PCDHA4: variants seen among roughly 807,000 people sequenced by gnomAD.
PCDHA4 encodes the protein protocadherin alpha 4.
A neutral mutation model predicts 61.4 loss-of-function variants in PCDHA4; 49 were observed. The ratio of observed to expected loss-of-function variants is 0.80; its 90% CI spans 0.63 to 1.01. The LOEUF is 1.01. Ranked by LOEUF, PCDHA4 falls within the 50% of genes least tolerant of loss-of-function variation. PCDHA4 has a pLI of 0.00. For missense variants in PCDHA4, 1,254 were observed against 1,235.8 expected (o/e 1.01, Z -0.22); for synonymous variants, 590 against 550.3 (o/e 1.07, Z -1.01).
At chr5:140,841,954 C>A (rs1282125752) in intron 1 of PCDHA4, 1 of 1,613,776 alleles carries the variant, frequency 6.2e-7, no homozygotes, top group Non-Finnish European at 8.5e-7. Context: ...ACCACTTATT[C>A]CTGACAGCCA....
Position 140,856,323 on chromosome 5 carries a change from A to T in PCDHA4, c.2385+46751A>T, listed in dbSNP as rs781846770. ...TTTGTGAATTCTCGGATTGACCGCG[A>T]GGAGCTGTGCGGGCGGAGCGTGGAG... On this transcript the variant is annotated intron_variant, in intron 1 of 3. Transcript: ENST00000530339. The T allele has an allele frequency of 3.1e-6, 5 of 1,598,532 alleles. No individual in the cohort carries two copies. The East Asian group carries it at 1.1e-4, about 36-fold the overall frequency.
In PCDHA4 at chr5:140,920,604, G is replaced by A. The variant is rs182788075; in HGVS notation, c.2386-58345G>A. 4.8e-4 allele frequency among the ~76,000 whole-genome samples: 73 copies of A among 152,238 alleles called. No homozygotes were observed. In the East Asian group the frequency reaches 0.011, roughly 22 times the overall value. On this transcript the variant is annotated intron_variant, in intron 1 of 3. Transcript: ENST00000530339. ...CTCACGCCTGTAATCCCAGCACTTT[G>A]GGAGGCCGAGGCGGATGGATCACAA...
At chr5:140,943,157 C>T (rs2093427609) in intron 1 of PCDHA4, among the ~76,000 whole-genome samples, 1 of 148,876 alleles carries the variant, frequency 6.7e-6, no homozygotes, top group South Asian at 2.1e-4. Context: ...ACTCTGGAGG[C>T]TGAGGCAGGA....
At chr5:140,859,201 G>A (rs1356259348) in intron 1 of PCDHA4, 1 of 149,574 alleles carries the variant, frequency 6.7e-6, no homozygotes. Flanking sequence ...ATGATATTCA[G>A]GTATTAGCTC....
intron 1 of PCDHA4, chr5:140,926,825 G>GT (rs1175916332): frequency 1.3e-6 from 2 of 1,499,578 alleles, no homozygotes; most frequent in Non-Finnish European, 1.8e-6. Flanking sequence ...CTCTCCAGGA[G>GT]TCCGGAGCAT....
At chr5:140,832,455 G>A (rs2150201808) in intron 1 of PCDHA4, among the ~76,000 whole-genome samples, 8 of 152,070 alleles carry the variant, frequency 5.3e-5, no homozygotes, top group Non-Finnish European at 1.2e-4. Flanking sequence ...AATTAATATT[G>A]CACTAAAATT....
chr5:140,871,919 A>G (rs1434717967), intron 1 of PCDHA4, among the ~76,000 whole-genome samples: 1 of 152,216 alleles, frequency 6.6e-6, no homozygotes, highest in African/African-American at 2.4e-5. Context: ...TGATATTTCC[A>G]CATTGTTAGA....
intron 2 of PCDHA4, among the ~76,000 whole-genome samples, chr5:140,980,164 G>A (rs187011465): frequency 1.6e-3 from 238 of 152,226 alleles, no homozygotes; most frequent in Middle Eastern, 6.8e-3. Context: ...AGAATATTAG[G>A]TATCAGAAGA....
chr5:140,858,272 G>C, intron 1 of PCDHA4: 1 of 1,597,346 alleles, frequency 6.3e-7, no homozygotes, highest in Non-Finnish European at 8.6e-7. Flanking sequence ...GTGCTCTAGC[G>C]CGGTGGGGAG....
At chr5:140,966,356 C>G (rs1300973653) in intron 1 of PCDHA4, 2 of 400,342 alleles carry the variant, frequency 5.0e-6, no homozygotes, top group Non-Finnish European at 8.8e-6. Flanking sequence ...GGAGATGGGG[C>G]TGGAGAGGCT....
At chr5:140,882,114 C>T (rs1464753090) in intron 1 of PCDHA4, 25 of 1,406,582 alleles carry the variant, frequency 1.8e-5, no homozygotes, top group Non-Finnish European at 2.2e-5. Flanking sequence ...AAGAAAGCCG[C>T]CGTTTCTTTC....
intron 1 of PCDHA4, among the ~76,000 whole-genome samples, chr5:140,978,200 C>T (rs2096792236): frequency 6.6e-6 from 1 of 152,220 alleles, no homozygotes. Context: ...TTTCAATACA[C>T]AACTAATGCA....
At chr5:140,966,749 C>T (rs1554228607) in intron 1 of PCDHA4, 1 of 1,428,076 alleles carries the variant, frequency 7.0e-7, no homozygotes, top group Middle Eastern at 2.5e-4. Flanking sequence ...CCGGCTGCCT[C>T]CGCCGCGGCC....
At chr5:140,826,765 G>A (rs186327192) in intron 1 of PCDHA4, among the ~76,000 whole-genome samples, 1 of 152,174 alleles carries the variant, frequency 6.6e-6, no homozygotes, top group African/African-American at 2.4e-5. Flanking sequence ...TCATATTGGA[G>A]AGTAATTGAA....
chr5:140,885,053 A>T (rs2060447405), intron 1 of PCDHA4, among the ~76,000 whole-genome samples: 1 of 152,248 alleles, frequency 6.6e-6, no homozygotes, highest in African/African-American at 2.4e-5. Flanking sequence ...ATGTATACAT[A>T]TACCCACAAG....
At chr5:140,833,888 A>G (rs1308828787) in intron 1 of PCDHA4, among the ~76,000 whole-genome samples, 1 of 152,208 alleles carries the variant, frequency 6.6e-6, no homozygotes, top group Non-Finnish European at 1.5e-5. Context: ...CCTGGGATCT[A>G]GATCAAAGGA....
chr5:140,883,861 G>A (rs1554180326), intron 1 of PCDHA4: 2 of 1,613,126 alleles, frequency 1.2e-6, no homozygotes, highest in South Asian at 1.1e-5. Flanking sequence ...TGGAGCTGTT[G>A]CAGTTCCAGG....
intron 1 of PCDHA4, chr5:140,856,890 G>GTATT: frequency 6.3e-7 from 1 of 1,596,172 alleles, no homozygotes; most frequent in Non-Finnish European, 8.6e-7. Context: ...TATTCATTTA[G>GTATT]CTCTTTGGTC....
At chr5:140,953,900 C>G (rs1040959969) in intron 1 of PCDHA4, among the ~76,000 whole-genome samples, 4 of 152,126 alleles carry the variant, frequency 2.6e-5, no homozygotes, top group Non-Finnish European at 5.9e-5. Context: ...GTATTAAGCC[C>G]AGCATCCATT....
Sources: gnomAD v4.1 joint callset for allele counts (sites outside exome capture counted in the v4.1 genomes callset) on GRCh38, gnomAD v4.1.1 for gene constraint, MANE v1.5 for transcripts, NCBI Gene and HGNC (gene_info 2026-07-23, HGNC 2026-07-21) for gene names.